Variants in TMEM245 observed in about 807,000 individuals in gnomAD.
TMEM245 encodes the protein transmembrane protein 245, also known as protein CG-2.
TMEM245 carries 69 observed loss-of-function variants against 101.2 expected under a neutral mutation model. The ratio of observed to expected loss-of-function variants is 0.68; its 90% CI spans 0.56 to 0.83. The LOEUF (loss-of-function observed/expected upper bound fraction) is 0.83. Ranked by LOEUF, TMEM245 falls within the 40% of genes least tolerant of loss-of-function variation. The probability of loss-of-function intolerance (pLI) is 0.00; values close to 1 mark genes in which losing one functional copy is unlikely to be tolerated. For missense variants in TMEM245, 1,075 were observed against 1,092.8 expected (o/e 0.98, Z 0.23); for synonymous variants, 537 against 449.8 (o/e 1.19, Z -2.45).
At chr9:109,026,634 G>A (rs1827799079) in intron 17 of TMEM245, among the ~76,000 whole-genome samples, 1 of 150,822 alleles carries the variant, frequency 6.6e-6, no homozygotes, top group African/African-American at 2.4e-5. Flanking sequence ...GTGGAAAGCG[G>A]GTGGGACTGC....
intron 4 of TMEM245, among the ~76,000 whole-genome samples, chr9:109,092,768 G>C (rs1830041204): frequency 6.6e-6 from 1 of 152,064 alleles, no homozygotes; most frequent in African/African-American, 2.4e-5. Context: ...TTACATTCTG[G>C]AACTCTGCAA....
At chr9:109,086,140 G>A (rs7031463) in intron 6 of TMEM245, 120 bp from the exon 7 acceptor site, 1 of 1,007,978 alleles carries the variant, frequency 9.9e-7, no homozygotes, top group South Asian at 1.5e-5. Context: ...CCAGACAAAG[G>A]AAAAACTAGG....
intron 8 of TMEM245, 98 bp downstream of exon 8, chr9:109,080,741 G>A: frequency 1.3e-6 from 1 of 746,610 alleles, no homozygotes; most frequent in Non-Finnish European, 2.3e-6. Context: ...TTTAAATCAA[G>A]TTAACATTTT....
intron 4 of TMEM245, among the ~76,000 whole-genome samples, chr9:109,092,068 T>A (rs540307610): frequency 9.2e-5 from 14 of 152,194 alleles, no homozygotes; most frequent in Non-Finnish European, 1.9e-4. Context: ...AACCTCACAT[T>A]TTCCCCCTGG....
intron 12 of TMEM245, among the ~76,000 whole-genome samples, chr9:109,056,440 C>CAAAAAAAAAAAAAA (rs753175633): frequency 2.7e-5 from 1 of 36,768 alleles, no homozygotes; most frequent in African/African-American, 8.8e-5. Flanking sequence ...ACTAAAAATG[C>CAAAAAAAAAAAAAA]AAAAAAAAAA....
At chr9:109,085,870 G>C in intron 7 of TMEM245, 127 bp downstream of exon 7, 1 of 1,024,996 alleles carries the variant, frequency 9.8e-7, no homozygotes, top group Non-Finnish European at 1.5e-6. Context: ...ACCTTCCATA[G>C]CTTATAATTA....
At chr9:109,051,824 C>G (rs1044965354) in intron 12 of TMEM245, among the ~76,000 whole-genome samples, 1 of 152,106 alleles carries the variant, frequency 6.6e-6, no homozygotes, top group Non-Finnish European at 1.5e-5. Context: ...CTGCCTAGCC[C>G]CCACCCTTGC....
intron 1 of TMEM245, 104 bp downstream of exon 1, chr9:109,119,231 T>G (rs1371978389): frequency 4.6e-6 from 5 of 1,088,014 alleles, no homozygotes; most frequent in Non-Finnish European, 6.3e-6. Context: ...GCAGCACAGG[T>G]GTGGCCCCTC....
intron 10 of TMEM245, among the ~76,000 whole-genome samples, chr9:109,063,044 T>C (rs557318099): frequency 8.9e-4 from 135 of 152,252 alleles, no homozygotes; most frequent in African/African-American, 3.1e-3. Context: ...CCTCTGCATA[T>C]GAGAGGCAAC....
intron 17 of TMEM245, among the ~76,000 whole-genome samples, chr9:109,026,975 G>A (rs1045894435): frequency 1.3e-5 from 2 of 151,968 alleles, no homozygotes; most frequent in East Asian, 3.9e-4. Context: ...TATACTTCTT[G>A]TAGAGTCTGA....
intron 14 of TMEM245, among the ~76,000 whole-genome samples, chr9:109,044,462 T>C (rs1828413410): frequency 6.6e-6 from 1 of 152,112 alleles, no homozygotes; most frequent in Admixed American, 6.6e-5. Context: ...AAATTCTGCC[T>C]CCTCCACATT....
At chr9:109,063,414 G>C (rs2132447278) in intron 10 of TMEM245, among the ~76,000 whole-genome samples, 1 of 152,198 alleles carries the variant, frequency 6.6e-6, no homozygotes, top group Admixed American at 6.5e-5. Flanking sequence ...AGCCACCACG[G>C]CCAGCCTGAT....
In TMEM245 at chr9:109,085,998, T is replaced by C. The variant is rs1440159444; in HGVS notation, c.1343A>G (p.Lys448Arg). The C allele has an allele frequency of 6.2e-7, 1 of 1,613,952 alleles. No individual in the cohort carries two copies. Among genetic ancestry groups the C allele is most frequent in the Non-Finnish European group, 8.5e-7 (1 of 1,179,994 alleles). Residue 448 changes from lysine (K) to arginine (R), a missense_variant and splice_region_variant, in exon 7 of 18, where the codon AAG becomes AGG. Around this residue, in one of 2 missense-constraint regions of TMEM245, gnomAD observed 808 missense variants for 741.5 expected, o/e 1.09. Coordinates refer to ENST00000374586, the MANE Select transcript of TMEM245 (RefSeq NM_032012.4). ...DSKLWHWLNK[K>R]MIIWLEKMLD... ...ACCAACATCTGGGTGTTCATTTACC[T>C]TCTTATTTAGCCAGTGCCAGAGCTT...
intron 14 of TMEM245, among the ~76,000 whole-genome samples, chr9:109,050,068 C>T (rs557529447): frequency 2.0e-5 from 3 of 152,340 alleles, no homozygotes; most frequent in South Asian, 2.1e-4. Flanking sequence ...GCTGGAATTA[C>T]AGACATGAGC....
intron 7 of TMEM245, among the ~76,000 whole-genome samples, chr9:109,085,794 C>G (rs556952964): frequency 6.6e-6 from 1 of 152,332 alleles, no homozygotes; most frequent in South Asian, 2.1e-4. Context: ...GAGATACCAT[C>G]CATATCCTAG....
chr9:109,106,675 C>G, intron 2 of TMEM245, 66 bp from the exon 3 acceptor site: 4 of 1,209,184 alleles, frequency 3.3e-6, no homozygotes, highest in Non-Finnish European at 4.7e-6. Flanking sequence ...TTACAAAACT[C>G]AGTTTTGTAG....
At chr9:109,057,414 T>A (rs1191083642) in intron 11 of TMEM245, 92 bp from the exon 12 acceptor site, 1 of 1,440,308 alleles carries the variant, frequency 6.9e-7, no homozygotes, top group African/African-American at 1.4e-5. Context: ...GTCCCCTTCA[T>A]CACTTCAGTA....
At chr9:109,098,554 CAA>C (rs886220898) in intron 3 of TMEM245, among the ~76,000 whole-genome samples, 1 of 136,462 alleles carries the variant, frequency 7.3e-6, no homozygotes. Flanking sequence ...AATCAGAGTC[CAA>C]AAAAAAAAAC....
intron 12 of TMEM245, among the ~76,000 whole-genome samples, chr9:109,053,142 C>G (rs1233859834): frequency 2.6e-5 from 4 of 152,128 alleles, no homozygotes; most frequent in Admixed American, 2.6e-4. Flanking sequence ...TATCCCAACT[C>G]AGGCTGGGTG....
Sources: gnomAD v4.1 joint callset for allele counts (sites outside exome capture counted in the v4.1 genomes callset) on GRCh38, gnomAD v4.1.1 for gene constraint, gnomAD v4.1.1 regional missense constraint, MANE v1.5 for transcripts, NCBI Gene and HGNC (gene_info 2026-07-23, HGNC 2026-07-21) for gene names.